FCRL5: variants seen among roughly 807,000 people sequenced by gnomAD.
FCRL5 encodes the protein Fc receptor-like protein 5.
FCRL5 carries 79 observed loss-of-function variants against 92.1 expected under a neutral mutation model. That is an observed-to-expected ratio of 0.86 (90% confidence interval 0.72 to 1.03). The LOEUF is 1.03. Ranked by LOEUF, FCRL5 falls within the 50% of genes least tolerant of loss-of-function variation. The pLI is 0.00. For missense variants in FCRL5, 1,160 were observed against 1,181.1 expected, an observed-to-expected ratio of 0.98 and a Z score of 0.26; for synonymous variants, 466 against 469.3, an observed-to-expected ratio of 0.99 and a Z score of 0.09.
intron 6 of FCRL5, among the ~76,000 whole-genome samples, chr1:157,539,572 T>G (rs1037534580): frequency 2.0e-5 from 3 of 152,182 alleles, no homozygotes; most frequent in Admixed American, 6.5e-5. Context: ...CCCTCAAAAT[T>G]TGTCCACTGA....
chr1:157,544,480 A>C lies in FCRL5; in HGVS notation c.626T>G (p.Leu209Arg), dbSNP rs1219978738. The C allele has an allele frequency of 6.2e-7, 1 of 1,614,250 alleles. No individual in the cohort carries two copies. The highest frequency in any genetic ancestry group is 1.1e-5 in the South Asian group (1 of 91,086). ...TAGAGAGAGCTGGGTCTCACAGGTC[A>C]GGGTCACTGGGTTCCCGCTGATGGG... ...FQPISGNPVTLTCETQLSLER... is the reference protein window; with the variant it reads ...FQPISGNPVTRTCETQLSLER... Residue 209 changes from leucine to arginine, a missense_variant, in exon 5 of 17, where the codon CTG becomes CGG. Coordinates refer to ENST00000361835, the MANE Select transcript of FCRL5 (RefSeq NM_031281.3).
chr1:157,539,168 T>C lies in FCRL5; in HGVS notation c.1320A>G (p.Ala440=). 1.9e-6 allele frequency: 3 copies of C among 1,614,194 alleles called. No homozygotes were observed. Among genetic ancestry groups the C allele is most frequent in the Non-Finnish European group, 2.5e-6 (3 of 1,180,014 alleles). Reference sequence around the variant, plus strand: ...TGCAGTAGTAGTTCCCTGAATGCTCTGCAGTCAGAGAGAAGCTGATGGCCA... The same window carrying C: ...TGCAGTAGTAGTTCCCTGAATGCTCCGCAGTCAGAGAGAAGCTGATGGCCA... ...GGVAISFSLT[A]EHSGNYYCTA... Residue 440 remains alanine (A), a synonymous_variant, in exon 7 of 17, where the codon GCA becomes GCG. Coordinates refer to ENST00000361835, the MANE Select transcript of FCRL5 (RefSeq NM_031281.3).
At position 157,547,363 on chromosome 1, in the gene FCRL5, T is replaced by C. The variant is rs767502195; in HGVS notation, c.53-166A>G. On this transcript the variant is annotated intron_variant, in intron 2 of 16. Transcript: ENST00000361835. ...TCCCTGTCAGCCAGTGGCCCTCACC[T>C]CACCCAAGGGAGAAATTGCCCAGGG... 3 of 897,794 alleles carry C rather than the reference T, an allele frequency of 3.3e-6. No homozygotes were observed. In the East Asian group the frequency reaches 7.2e-5, roughly 22 times the overall value. The allele number at this position is 897,794 out of a possible 1,614,324, so 55.6% of individuals were successfully genotyped here. A position where few individuals can be genotyped will look rare whatever the true frequency, so the allele number is the denominator to read the frequency against.
At chr1:157,546,450 A>AAAACC (rs60618941) in intron 3 of FCRL5, among the ~76,000 whole-genome samples, 9,082 of 145,080 alleles carry the variant, frequency 0.063, 339 homozygotes, top group South Asian at 0.083. Flanking sequence ...TCCATCTCAA[A>AAAACC]AAACCAAACC....
chr1:157,520,430 C>G lies in FCRL5; in HGVS notation c.2632+1G>C. 1 of 1,572,572 alleles carries G rather than the reference C, an allele frequency of 6.4e-7. No individual in the cohort carries two copies. Among genetic ancestry groups the G allele is most frequent in the Non-Finnish European group, 8.6e-7 (1 of 1,157,104 alleles). On this transcript the variant is annotated splice_donor_variant, in intron 12 of 16. Coordinates refer to ENST00000361835, the MANE Select transcript of FCRL5 (RefSeq NM_031281.3). LOFTEE classifies it high-confidence loss of function. ...GCCAAGGTGTGCCCAGAGTCACCCA[C>G]CTGCTTTTCTCGAGAGCCAGCAGTA...
chr1:157,545,137 T>A, intron 3 of FCRL5, 55 bp from the exon 4 acceptor site: 1 of 1,548,346 alleles, frequency 6.5e-7, no homozygotes, highest in African/African-American at 1.4e-5. Flanking sequence ...CCCTTTCTTT[T>A]CATTGTTTTT....
At chr1:157,518,587 T>C in intron 14 of FCRL5, 90 bp from the exon 15 acceptor site, 1 of 1,472,778 alleles carries the variant, frequency 6.8e-7, no homozygotes, top group South Asian at 1.2e-5. Context: ...GTCTCTTTTC[T>C]GGAAGGACTA....
chr1:157,527,903 A>G lies in FCRL5; in HGVS notation c.1682-8T>C, dbSNP rs768048144. ...TGGGGCGAGACACTGGAACTGAGAG[A>G]GAAAATGAGTTAGGGACACATGTAT... On this transcript the variant is annotated splice_polypyrimidine_tract_variant and splice_region_variant and intron_variant, in intron 8 of 16. Coordinates refer to ENST00000361835, the MANE Select transcript of FCRL5 (RefSeq NM_031281.3). 5.8e-6 allele frequency: 9 copies of G among 1,552,562 alleles called. No individual in the cohort carries two copies. The African/African-American group carries it at 1.1e-4, about 19-fold the overall frequency.
At position 157,514,337 on chromosome 1, in the gene FCRL5, T is replaced by G. The variant is rs1244211333; in HGVS notation, c.*1338A>C. 1 of 152,232 alleles carries G rather than the reference T, an allele frequency of 6.6e-6. No homozygotes were observed. The highest frequency in any genetic ancestry group is 2.4e-5 in the African/African-American group (1 of 41,462). 9.4% of individuals were successfully genotyped at this position (152,232 alleles called of 1,614,324 possible). ...CTCAGGTTATATACATTCACCCTTT[T>G]CATGGGAAAGTGTGAGGCCTGAGGT... On this transcript the variant is annotated 3_prime_UTR_variant, in exon 17 of 17. Coordinates refer to ENST00000361835, the MANE Select transcript of FCRL5 (RefSeq NM_031281.3).
intron 13 of FCRL5, 74 bp downstream of exon 13, chr1:157,519,669 T>A (rs1650087850): frequency 6.7e-7 from 1 of 1,502,554 alleles, no homozygotes; most frequent in African/African-American, 1.4e-5. Context: ...CTCTTGGTAA[T>A]CATCAGATTC....
intron 9 of FCRL5, 134 bp downstream of exon 9, chr1:157,527,483 G>T: frequency 2.5e-6 from 2 of 812,858 alleles, no homozygotes; most frequent in Non-Finnish European, 3.7e-6. Flanking sequence ...TAGAGATGGA[G>T]GCTGTGTAGG....
chr1:157,547,203 G>C lies in FCRL5; in HGVS notation c.53-6C>G, dbSNP rs751750279. 3 of 1,613,242 alleles carry C rather than the reference G, an allele frequency of 1.9e-6. No individual in the cohort carries two copies. The highest frequency in any genetic ancestry group is 2.5e-6 in the Non-Finnish European group (3 of 1,179,894). On this transcript the variant is annotated splice_region_variant and splice_polypyrimidine_tract_variant and intron_variant, in intron 2 of 16. Coordinates refer to ENST00000361835, the MANE Select transcript of FCRL5 (RefSeq NM_031281.3). ...AATGGGCCTGGGTGTCCTTGCTGAAGAGGAAAGAGAAAAGGAGTCTGAGGT... is the reference window on the plus strand; with the variant it reads ...AATGGGCCTGGGTGTCCTTGCTGAACAGGAAAGAGAAAAGGAGTCTGAGGT...
intron 4 of FCRL5, 27 bp downstream of exon 4, chr1:157,544,804 C>CA: frequency 6.2e-7 from 1 of 1,613,148 alleles, no homozygotes; most frequent in Non-Finnish European, 8.5e-7. Flanking sequence ...TTGACCAACT[C>CA]ACTTCACAAA....
chr1:157,546,417 C>T, intron 3 of FCRL5: 2 of 311,580 alleles, frequency 6.4e-6, no homozygotes, highest in South Asian at 5.1e-5. Flanking sequence ...CACTGCACTC[C>T]AGCCTGGGTG....
chr1:157,524,498 C>T lies in FCRL5; in HGVS notation c.2020G>A (p.Asp674Asn), dbSNP rs1650342875. 1 of 1,613,916 alleles carries T rather than the reference C, an allele frequency of 6.2e-7. No individual in the cohort carries two copies. Among genetic ancestry groups the T allele is most frequent in the African/African-American group, 1.3e-5 (1 of 74,938 alleles). Residue 674 changes from aspartate (D) to asparagine (N), a missense_variant, in exon 10 of 17, where the codon GAC (aspartate) becomes AAC (asparagine). Transcript: ENST00000361835. The stretch of plus-strand genomic sequence containing the variant: ...GCCTCACAGTGAAGCTCCAGCAGGT[C>T]CCCCACCACAGCCTGGGCCCTGGGA... Reference protein sequence around the residue: ...RAPRAQAVVGDLLELHCEALR... With the variant: ...RAPRAQAVVGNLLELHCEALR...
chr1:157,519,864 T>C lies in FCRL5; in HGVS notation c.2633-94A>G, dbSNP rs571186858. 6.2e-6 allele frequency: 8 copies of C among 1,289,648 alleles called. No homozygotes were observed. The East Asian group carries it at 1.6e-4, about 26-fold the overall frequency. 79.9% of individuals were successfully genotyped at this position (1,289,648 alleles called of 1,614,324 possible). A position where few individuals can be genotyped will look rare whatever the true frequency, so the allele number is the denominator to read the frequency against. On this transcript the variant is annotated intron_variant, in intron 12 of 16. Coordinates refer to ENST00000361835, the MANE Select transcript of FCRL5 (RefSeq NM_031281.3). ...AGGCTCACTTAGAAACTGCCAGGAG[T>C]TGCTGTCACTGAAGGTTGAATCCTT...
intron 7 of FCRL5, among the ~76,000 whole-genome samples, chr1:157,537,606 C>T (rs1433378622): frequency 6.6e-6 from 1 of 152,084 alleles, no homozygotes; most frequent in East Asian, 1.9e-4. Flanking sequence ...TGAGCCACAC[C>T]CTATTAGTAC....
At chr1:157,536,930 A>T (rs1433649115) in intron 7 of FCRL5, among the ~76,000 whole-genome samples, 3 of 152,222 alleles carry the variant, frequency 2.0e-5, no homozygotes, top group African/African-American at 7.2e-5. Context: ...TGAAGATTTC[A>T]TGGACACTTA....
rs1163929703 is a variant in FCRL5, at chr1:157,543,146, G to A, written c.845-9C>T. On this transcript the variant is annotated splice_polypyrimidine_tract_variant and intron_variant, in intron 5 of 16. Transcript: ENST00000361835. ...AGGATGAGATGCAGGGACTGAGCAAGAGAAAAAATTAGTCAAGAATTGCTT... is the reference window on the plus strand; with the variant it reads ...AGGATGAGATGCAGGGACTGAGCAAAAGAAAAAATTAGTCAAGAATTGCTT... 6.2e-7 allele frequency: 1 copy of A among 1,608,718 alleles called. No homozygotes were observed. Among genetic ancestry groups the A allele is most frequent in the Admixed American group, 1.7e-5 (1 of 59,248 alleles).
Sources: allele counts gnomAD v4.1 joint callset (sites outside exome capture counted in the v4.1 genomes callset), GRCh38; gene constraint gnomAD v4.1.1; transcripts MANE v1.5; gene names NCBI Gene and HGNC (gene_info 2026-07-23, HGNC 2026-07-21).